FCN2: variants seen among roughly 807,000 people sequenced by gnomAD.
The protein encoded by FCN2 is ficolin-2.
FCN2 carries 31 observed loss-of-function variants against 32.5 expected under a neutral mutation model. The observed-to-expected ratio is 0.96, with a 90% CI of 0.72 to 1.29. The LOEUF (loss-of-function observed/expected upper bound fraction) is 1.29, where lower values mean the gene tolerates loss of function less well. Ranked by LOEUF, FCN2 falls within the 50% of genes most tolerant of loss-of-function variation. The probability of loss-of-function intolerance (pLI) is 0.00; values close to 1 mark genes in which losing one functional copy is unlikely to be tolerated. For synonymous variants in FCN2, 181 were observed against 164.5 expected, an observed-to-expected ratio of 1.10 and a Z score of -0.77; for missense variants, 412 against 406.5, an observed-to-expected ratio of 1.01 and a Z score of -0.12.
rs745315775 is a variant in FCN2, at chr9:134,885,299, T to C, written c.362T>C (p.Ile121Thr). The C allele has an allele frequency of 2.5e-6, 4 of 1,614,084 alleles. No individual in the cohort carries two copies. Among genetic ancestry groups the C allele is most frequent in the Non-Finnish European group, 2.5e-6 (3 of 1,180,014 alleles). Reference sequence around the variant, plus strand: ...CACTTCCTGAGCGGCTGGCACACCATCTACCTGCCCGACTGCCGGCCCCTG... The same window carrying C: ...CACTTCCTGAGCGGCTGGCACACCACCTACCTGCCCGACTGCCGGCCCCTG... ...RGHFLSGWHT[I>T]YLPDCRPLTV... The change falls in exon 5 of 8, where the codon ATC becomes ACC. Residue 121 changes from isoleucine (I) to threonine (T), a missense_variant. Physicochemically the swap from Ile to Thr is moderately conservative, Grantham distance 89. Coordinates refer to ENST00000291744, the MANE Select transcript of FCN2 (RefSeq NM_004108.3).
chr9:134,867,376 A>G, the FCN2 span, among the ~76,000 whole-genome samples: 1 of 151,408 alleles, frequency 6.6e-6, no homozygotes, highest in Admixed American at 6.6e-5. Context: ...CATTCTCAGT[A>G]AACTATCACA....
At chr9:134,870,190 G>T in the FCN2 span, among the ~76,000 whole-genome samples, 1 of 152,188 alleles carries the variant, frequency 6.6e-6, no homozygotes, top group Non-Finnish European at 1.5e-5. The surrounding 1 kb of genome is among the most constrained non-coding windows in gnomAD (Gnocchi z 4.3). Context: ...CGGTTTCCCC[G>T]AGTTCTGCTG....
the FCN2 span, among the ~76,000 whole-genome samples, chr9:134,871,328 G>A: frequency 1.3e-5 from 2 of 152,190 alleles, no homozygotes; most frequent in African/African-American, 4.8e-5. Context: ...TGGTCTGGGG[G>A]CCACTGTTTG....
At chr9:134,868,701 C>T in the FCN2 span, among the ~76,000 whole-genome samples, 1 of 152,234 alleles carries the variant, frequency 6.6e-6, no homozygotes, top group Non-Finnish European at 1.5e-5. This position sits in a 1 kb window ranked among gnomAD's most constrained non-coding sequence, Gnocchi z 4.3. Context: ...GCGTGCCTCC[C>T]TCACCGCAGC....
chr9:134,871,426 A>G, the FCN2 span, among the ~76,000 whole-genome samples: 1,392 of 152,276 alleles, frequency 9.1e-3, 26 homozygotes, highest in African/African-American at 0.032. Context: ...TCATATCATC[A>G]TCCTGACCAG....
At chr9:134,881,371 C>T (rs1251891821) in intron 1 of FCN2, among the ~76,000 whole-genome samples, 1 of 152,136 alleles carries the variant, frequency 6.6e-6, no homozygotes, top group Admixed American at 6.5e-5. Context: ...AGGACCTTTC[C>T]ATCCAGGACC....
chr9:134,875,401 C>A, the FCN2 span, among the ~76,000 whole-genome samples: 12 of 128,752 alleles, frequency 9.3e-5, no homozygotes, highest in East Asian at 2.3e-3. Flanking sequence ...CCTCACTGCT[C>A]ACAGCCATGT....
chr9:134,876,957 A>G (rs1830609180), upstream of FCN2, among the ~76,000 whole-genome samples: 1 of 152,250 alleles, frequency 6.6e-6, no homozygotes. Context: ...TGTTGGTGCT[A>G]AAGTGTCTTA....
the FCN2 span, among the ~76,000 whole-genome samples, chr9:134,867,714 C>A: frequency 6.6e-6 from 1 of 151,596 alleles, no homozygotes; most frequent in Non-Finnish European, 1.5e-5. Context: ...GCAGCTGTGC[C>A]ACACCTGGCT....
upstream of FCN2, chr9:134,880,730 C>T: frequency 9.9e-7 from 1 of 1,013,802 alleles, no homozygotes; most frequent in South Asian, 1.3e-5. Flanking sequence ...AAGCGGCTGT[C>T]ACTCGGAAGA....
At chr9:134,867,222 A>G in the FCN2 span, among the ~76,000 whole-genome samples, 81 of 134,744 alleles carry the variant, frequency 6.0e-4, no homozygotes, top group Non-Finnish European at 8.8e-4. Context: ...TCACAATAGC[A>G]AAGACTTGGA....
the FCN2 span, among the ~76,000 whole-genome samples, chr9:134,865,535 A>G: frequency 6.6e-6 from 1 of 152,184 alleles, no homozygotes; most frequent in African/African-American, 2.4e-5. Context: ...TATTTTCTAG[A>G]TTATCCTACA....
the FCN2 span, chr9:134,868,236 C>G: frequency 1.3e-5 from 2 of 152,516 alleles, no homozygotes; most frequent in African/African-American, 4.8e-5. The surrounding 1 kb of genome is among the most constrained non-coding windows in gnomAD (Gnocchi z 4.3). Flanking sequence ...GCAGGTGATT[C>G]TGACACACCA....
At chr9:134,879,896 GC>G (rs1830639972), upstream of FCN2, among the ~76,000 whole-genome samples, 1 of 152,168 alleles carries the variant, frequency 6.6e-6, no homozygotes, top group African/African-American at 2.4e-5. Context: ...GTCTCTGGGG[GC>G]TTTAGGTATA....
the FCN2 span, chr9:134,868,400 C>T: frequency 1.5e-3 from 302 of 194,966 alleles, 1 homozygote; most frequent in African/African-American, 6.6e-3. The surrounding 1 kb of genome is among the most constrained non-coding windows in gnomAD (Gnocchi z 4.3). Flanking sequence ...GCTTTACAAA[C>T]GGCATCAACT....
rs763150456 is a variant in FCN2, at chr9:134,885,777, C to T, written c.439C>T (p.Arg147Trp). Residue 147 changes from arginine (R) to tryptophan (W), a missense_variant, in exon 6 of 8, where the codon CGG becomes TGG. Coordinates refer to ENST00000291744, the MANE Select transcript of FCN2 (RefSeq NM_004108.3). ...CCTGGCTTCTCCACAGGTTTTCCAGCGGAGGGTGGATGGCTCTGTGGACTT... is the reference window on the plus strand; with the variant it reads ...CCTGGCTTCTCCACAGGTTTTCCAGTGGAGGGTGGATGGCTCTGTGGACTT... ...TDGGGWTVFQRRVDGSVDFYR... is the reference protein window; with the variant it reads ...TDGGGWTVFQWRVDGSVDFYR... 2.0e-5 allele frequency: 33 copies of T among 1,613,868 alleles called. No individual in the cohort carries two copies. The highest frequency in any genetic ancestry group is 2.3e-5 in the Non-Finnish European group (27 of 1,179,960).
In FCN2 at chr9:134,886,536, C is replaced by T. The variant is rs778614515; in HGVS notation, c.666C>T (p.Val222=). 1.4e-5 allele frequency: 23 copies of T among 1,613,940 alleles called. 1 individual carries two copies. In the South Asian group the frequency reaches 1.5e-4, roughly 11 times the overall value. ...VADEAEKYNL[V]LGAFVEGSAG... The stretch of plus-strand genomic sequence containing the variant: ...ACGAGGCGGAGAAGTACAATCTGGT[C>T]CTGGGGGCCTTCGTGGAGGGCAGTG... The change falls in exon 7 of 8, where the codon GTC becomes GTT. Residue 222 remains valine, a synonymous_variant. Transcript: ENST00000291744.
intron 5 of FCN2, 74 bp from the exon 6 acceptor site, chr9:134,885,694 C>G: frequency 1.2e-6 from 2 of 1,604,860 alleles, no homozygotes; most frequent in Admixed American, 1.7e-5. Flanking sequence ...TGCTGCTCCT[C>G]TGGAGGGCGG....
At chr9:134,865,066 G>A in the FCN2 span, among the ~76,000 whole-genome samples, 8 of 152,234 alleles carry the variant, frequency 5.3e-5, no homozygotes, top group Non-Finnish European at 7.3e-5. Context: ...CACGATCAAT[G>A]TCACTGGAAG....
Sources: gnomAD v4.1 joint callset for allele counts (sites outside exome capture counted in the v4.1 genomes callset) on GRCh38, gnomAD v4.1.1 for gene constraint, Gnocchi (gnomAD v3.1) non-coding constraint, MANE v1.5 for transcripts, NCBI Gene and HGNC (gene_info 2026-07-23, HGNC 2026-07-21) for gene names.